Variants in ANXA8 observed in about 807,000 individuals in gnomAD.
ANXA8 encodes annexin A8, also known as VAC-beta.
A neutral mutation model predicts 26.8 loss-of-function variants in ANXA8; 9 were observed. That is an observed-to-expected ratio of 0.34 (90% CI 0.20 to 0.59). The LOEUF (loss-of-function observed/expected upper bound fraction) is 0.59, where lower values mean the gene tolerates loss of function less well. Ranked by LOEUF, ANXA8 falls within the 20% of genes least tolerant of loss-of-function variation. The pLI is 0.84. For synonymous variants in ANXA8, 39 were observed against 94.8 expected (o/e 0.41, Z 3.42); for missense variants, 83 against 238.5 (o/e 0.35, Z 4.29).
At chr10:47,703,122 A>G in the ANXA8 span, among the ~76,000 whole-genome samples, 1 of 151,462 alleles carries the variant, frequency 6.6e-6, no homozygotes, top group African/African-American at 2.4e-5. Flanking sequence ...GAAAATAATG[A>G]TAGTATTGGA....
chr10:47,705,964 G>A, the ANXA8 span, among the ~76,000 whole-genome samples: 4 of 150,784 alleles, frequency 2.7e-5, no homozygotes, highest in Non-Finnish European at 5.9e-5. Flanking sequence ...GGCGCGAAGA[G>A]GGGCGGTGCT....
the ANXA8 span, among the ~76,000 whole-genome samples, chr10:47,557,646 T>G: frequency 6.6e-6 from 1 of 151,810 alleles, no homozygotes; most frequent in Non-Finnish European, 1.5e-5. Flanking sequence ...TATAAATAGT[T>G]GCTGAAAAGT....
the ANXA8 span, among the ~76,000 whole-genome samples, chr10:47,700,452 G>T: frequency 6.6e-6 from 1 of 151,726 alleles, no homozygotes; most frequent in African/African-American, 2.4e-5. Context: ...GTAGCCATTT[G>T]GAAAAAAGGG....
the ANXA8 span, chr10:47,553,563 C>A: frequency 6.2e-6 from 1 of 162,226 alleles, no homozygotes; most frequent in East Asian, 2.0e-4. Context: ...CGGAGGGAAA[C>A]AAAAAGGCAG....
At chr10:47,603,593 C>A in the ANXA8 span, among the ~76,000 whole-genome samples, 2 of 147,802 alleles carry the variant, frequency 1.4e-5, no homozygotes, top group African/African-American at 2.7e-5. Context: ...CTCACTACAA[C>A]CTCCACTTCC....
the ANXA8 span, among the ~76,000 whole-genome samples, chr10:47,576,560 C>A: frequency 6.7e-6 from 1 of 150,196 alleles, no homozygotes. Context: ...ACCTCCTAGG[C>A]TCAAGCAATC....
upstream of ANXA8, among the ~76,000 whole-genome samples, chr10:47,485,014 C>T (rs1454936273): frequency 2.0e-5 from 3 of 147,046 alleles, no homozygotes; most frequent in East Asian, 6.9e-4. Context: ...CCATCCCCAG[C>T]CCCGGAGCTG....
chr10:47,982,809 T>TATATATATATATATATATAC, the ANXA8 span, among the ~76,000 whole-genome samples: 3 of 53,890 alleles, frequency 5.6e-5, no homozygotes, highest in Admixed American at 4.3e-4. Flanking sequence ...ATCATATATA[T>TATATATATATATATATATAC]ATATATATAT....
the ANXA8 span, among the ~76,000 whole-genome samples, chr10:47,664,304 A>C: frequency 6.6e-6 from 1 of 151,934 alleles, no homozygotes; most frequent in Admixed American, 6.6e-5. Flanking sequence ...CTTGAACCCA[A>C]GAGGTGGAGG....
At chr10:47,964,911 G>GTTCAA in the ANXA8 span, among the ~76,000 whole-genome samples, 4 of 69,156 alleles carry the variant, frequency 5.8e-5, no homozygotes, top group Non-Finnish European at 1.1e-4. Flanking sequence ...GGTCAAGGGA[G>GTTCAA]TTCAAGGTCA....
the ANXA8 span, among the ~76,000 whole-genome samples, chr10:47,540,378 G>C: frequency 9.0e-6 from 1 of 111,622 alleles, no homozygotes; most frequent in African/African-American, 3.3e-5. Flanking sequence ...CTGAGGCATG[G>C]TTCCCTAACA....
chr10:47,958,636 A>C, the ANXA8 span, among the ~76,000 whole-genome samples: 40,657 of 144,920 alleles, frequency 0.28, 3,204 homozygotes, highest in Non-Finnish European at 0.38. Context: ...CCCCCAGTCT[A>C]TGCCGGAGGT....
the ANXA8 span, among the ~76,000 whole-genome samples, chr10:47,533,224 CCCCCG>C: frequency 1.7e-4 from 23 of 133,058 alleles, no homozygotes; most frequent in South Asian, 2.3e-4. Flanking sequence ...CACACACACA[CCCCCG>C]CAGACACCCT....
At chr10:47,717,997 C>CA in the ANXA8 span, among the ~76,000 whole-genome samples, 393 of 55,072 alleles carry the variant, frequency 7.1e-3, no homozygotes, top group Middle Eastern at 0.054. Context: ...TACTCTGTCT[C>CA]AAAAAAAAAA....
At chr10:47,548,387 C>T in the ANXA8 span, among the ~76,000 whole-genome samples, 10 of 149,676 alleles carry the variant, frequency 6.7e-5, no homozygotes, top group African/African-American at 2.4e-4. Context: ...CCGCAACCTC[C>T]ATCTCCTGGG....
At chr10:47,651,906 CA>C in the ANXA8 span, among the ~76,000 whole-genome samples, 3 of 150,652 alleles carry the variant, frequency 2.0e-5, no homozygotes. Context: ...AAAAACAAAA[CA>C]AAACAAAAAC....
At chr10:47,748,741 C>T in the ANXA8 span, among the ~76,000 whole-genome samples, 14 of 151,100 alleles carry the variant, frequency 9.3e-5, no homozygotes, top group East Asian at 5.9e-4. Context: ...GCTGGGATGA[C>T]GGGCGTGAGC....
chr10:47,487,935 G>T (rs1230597401), upstream of ANXA8, among the ~76,000 whole-genome samples: 1 of 151,010 alleles, frequency 6.6e-6, no homozygotes, highest in Non-Finnish European at 1.5e-5. Flanking sequence ...TGTTTACGAT[G>T]TCTTCCCCCT....
chr10:47,947,711 A>C, the ANXA8 span, among the ~76,000 whole-genome samples: 2 of 150,668 alleles, frequency 1.3e-5, no homozygotes, highest in African/African-American at 4.9e-5. Context: ...AGGCTTCCCC[A>C]ACCATGCTTC....
Sources: gnomAD v4.1 joint callset for allele counts (sites outside exome capture counted in the v4.1 genomes callset) on GRCh38, gnomAD v4.1.1 for gene constraint, MANE v1.5 for transcripts, NCBI Gene and HGNC (gene_info 2026-07-23, HGNC 2026-07-21) for gene names.